The following CSMD1 variants were observed in gnomAD, a reference collection of about 807,000 sequenced individuals.
CSMD1 encodes the protein CUB and sushi domain-containing protein 1.
A neutral mutation model predicts 417.5 loss-of-function variants in CSMD1; 213 were observed. The observed-to-expected ratio is 0.51, with a 90% CI of 0.46 to 0.57. The LOEUF is 0.57. Among genes scored for constraint, CSMD1 ranks in the 20% least tolerant of loss-of-function variants. The probability of loss-of-function intolerance (pLI) is 0.00; values close to 1 mark genes in which losing one functional copy is unlikely to be tolerated. For missense variants in CSMD1, 6,923 were observed against 4,529.7 expected (o/e 1.53, Z -15.17); for synonymous variants, 2,862 against 1,736.8 (o/e 1.65, Z -16.11).
intron 68 of CSMD1, among the ~76,000 whole-genome samples, chr8:2,945,947 T>C (rs1294012204): frequency 1.3e-5 from 2 of 152,208 alleles, no homozygotes; most frequent in East Asian, 3.9e-4. Context: ...ATGCACATCC[T>C]GTCACGCAAC....
chr8:4,292,890 A>G (rs941475763), intron 3 of CSMD1, among the ~76,000 whole-genome samples: 2 of 152,180 alleles, frequency 1.3e-5, no homozygotes, highest in Non-Finnish European at 2.9e-5. Context: ...TTTTGTAAAG[A>G]GATAATTTGT....
At chr8:4,914,773 G>A (rs1216682020) in intron 1 of CSMD1, among the ~76,000 whole-genome samples, 2 of 152,144 alleles carry the variant, frequency 1.3e-5, no homozygotes, top group African/African-American at 2.4e-5. Context: ...GTCACTACCT[G>A]CATGAGTTCC....
intron 4 of CSMD1, among the ~76,000 whole-genome samples, chr8:4,003,274 T>C (rs1369433312): frequency 1.3e-5 from 2 of 152,018 alleles, no homozygotes. Context: ...GCACTTGTAA[T>C]CCCAGCTACT....
intron 3 of CSMD1, among the ~76,000 whole-genome samples, chr8:4,374,080 T>A (rs930850535): frequency 3.9e-5 from 6 of 152,156 alleles, no homozygotes; most frequent in Non-Finnish European, 7.3e-5. Flanking sequence ...TAATGAAGTG[T>A]ATCATATGTG....
intron 3 of CSMD1, among the ~76,000 whole-genome samples, chr8:4,409,211 TTTGA>T (rs766023196): frequency 3.9e-5 from 6 of 152,182 alleles, no homozygotes; most frequent in African/African-American, 7.2e-5. Context: ...TGGAAATGAA[TTTGA>T]TTGATGAAAT....
intron 5 of CSMD1, among the ~76,000 whole-genome samples, chr8:3,960,232 T>G (rs1030281988): frequency 6.6e-6 from 1 of 152,194 alleles, no homozygotes; most frequent in Non-Finnish European, 1.5e-5. Flanking sequence ...AAAATTTTAT[T>G]TCCTCTCCTC....
intron 3 of CSMD1, among the ~76,000 whole-genome samples, chr8:4,057,304 T>C (rs1352506104): frequency 5.3e-5 from 8 of 152,228 alleles, no homozygotes; most frequent in Non-Finnish European, 8.8e-5. Flanking sequence ...CATTTTTTCA[T>C]GTGCTTTTTG....
intron 2 of CSMD1, among the ~76,000 whole-genome samples, chr8:4,496,623 C>G (rs1444835286): frequency 6.6e-6 from 1 of 152,066 alleles, no homozygotes; most frequent in African/African-American, 2.4e-5. Flanking sequence ...TGGTTTGTTC[C>G]TCCTCTCCCT....
chr8:4,137,959 C>A (rs1803533853), intron 3 of CSMD1, among the ~76,000 whole-genome samples: 1 of 151,068 alleles, frequency 6.6e-6, no homozygotes, highest in Admixed American at 6.6e-5. Context: ...CTCACTGCAA[C>A]CTCCATCTCC....
intron 8 of CSMD1, among the ~76,000 whole-genome samples, chr8:3,599,163 C>CTGTGTGTGTGTG (rs965499661): frequency 1.6e-5 from 2 of 126,716 alleles, no homozygotes; most frequent in African/African-American, 6.2e-5. Flanking sequence ...GTGTGTGTGT[C>CTGTGTGTGTGTG]TGTGTGTGTG....
chr8:4,041,004 C>G (rs1271638824), intron 3 of CSMD1, among the ~76,000 whole-genome samples: 1 of 129,806 alleles, frequency 7.7e-6, no homozygotes, highest in Non-Finnish European at 1.6e-5. Context: ...TCTTTTCTTT[C>G]TTTTTTTTTT....
chr8:3,837,618 G>A (rs533279558), intron 5 of CSMD1, among the ~76,000 whole-genome samples: 6 of 152,252 alleles, frequency 3.9e-5, no homozygotes, highest in East Asian at 1.9e-4. Flanking sequence ...AAATTCTAGC[G>A]TTTGTGGAAT....
chr8:4,771,532 G>C (rs528220448), intron 1 of CSMD1, among the ~76,000 whole-genome samples: 1 of 152,314 alleles, frequency 6.6e-6, no homozygotes, highest in Admixed American at 6.5e-5. Context: ...TTATTAGTTT[G>C]CTGCTAGGCA....
chr8:4,632,107 G>C (rs1343722806), intron 2 of CSMD1, among the ~76,000 whole-genome samples: 3 of 152,110 alleles, frequency 2.0e-5, no homozygotes, highest in Non-Finnish European at 2.9e-5. Context: ...TCACCACATG[G>C]GATGGTTGAC....
intron 1 of CSMD1, among the ~76,000 whole-genome samples, chr8:4,967,264 A>G (rs185835155): frequency 6.6e-6 from 1 of 152,340 alleles, no homozygotes; most frequent in East Asian, 1.9e-4. Flanking sequence ...TTGAGTTTTT[A>G]TCAATTATTC....
In CSMD1 at chr8:4,372,722, C is replaced by A. The variant is rs558391646; in HGVS notation, c.415+47231G>T. ...GCTAACTGAAAGAGTTCTCACTGTC[C>A]AAACCTAGAAAATGGAGGCAAAAGA... On this transcript the variant is annotated intron_variant, in intron 3 of 69. Coordinates refer to ENST00000635120, the MANE Select transcript of CSMD1 (RefSeq NM_033225.6). Among the ~76,000 whole-genome samples, 27 of 146,208 alleles carry A rather than the reference C, an allele frequency of 1.8e-4. 1 individual carries two copies. Among genetic ancestry groups the A allele is most frequent in the Admixed American group, 5.5e-4 (8 of 14,536 alleles).
At chr8:3,006,139 G>C (rs1049033332) in intron 52 of CSMD1, among the ~76,000 whole-genome samples, 12 of 151,158 alleles carry the variant, frequency 7.9e-5, no homozygotes, top group East Asian at 3.9e-4. Flanking sequence ...CAGACAAACA[G>C]AGAGCCAAAT....
chr8:4,728,774 C>A (rs1013951711), intron 1 of CSMD1, among the ~76,000 whole-genome samples: 1 of 151,774 alleles, frequency 6.6e-6, no homozygotes, highest in Non-Finnish European at 1.5e-5. Context: ...AAAAAATAAC[C>A]AGATGTCTGC....
At chr8:3,777,887 G>A (rs1206336866) in intron 5 of CSMD1, among the ~76,000 whole-genome samples, 1 of 150,356 alleles carries the variant, frequency 6.7e-6, no homozygotes, top group East Asian at 2.0e-4. Context: ...TCTCCTTGAA[G>A]CGCAGAGTCT....
Sources: gnomAD v4.1 joint callset for allele counts (sites outside exome capture counted in the v4.1 genomes callset) on GRCh38, gnomAD v4.1.1 for gene constraint, MANE v1.5 for transcripts, NCBI Gene and HGNC (gene_info 2026-07-23, HGNC 2026-07-21) for gene names.